CENPV: variants seen among roughly 807,000 people sequenced by gnomAD.
The protein encoded by CENPV is centromere protein V.
CENPV carries 15 observed loss-of-function variants against 26.4 expected under a neutral mutation model. The ratio of observed to expected loss-of-function variants is 0.57; its 90% CI spans 0.38 to 0.88. The LOEUF is 0.88. Ranked by LOEUF, CENPV falls within the 40% of genes least tolerant of loss-of-function variation. The probability of loss-of-function intolerance (pLI) is 0.00; values close to 1 mark genes in which losing one functional copy is unlikely to be tolerated. For synonymous variants in CENPV, 172 were observed against 165.5 expected (o/e 1.04, Z -0.30); for missense variants, 336 against 376.5 (o/e 0.89, Z 0.89).
intron 3 of CENPV, among the ~76,000 whole-genome samples, chr17:16,347,091 T>C (rs1373312071): frequency 5.9e-5 from 9 of 152,220 alleles, no homozygotes; most frequent in East Asian, 3.9e-4. Context: ...GCTCAAGTGA[T>C]CTGCCTGCCT....
intron 3 of CENPV, 199 bp downstream of exon 3, chr17:16,348,417 A>G: frequency 7.7e-7 from 1 of 1,300,734 alleles, no homozygotes; most frequent in Non-Finnish European, 9.9e-7. Context: ...TTGGCCTCCC[A>G]AAGTGCTGGG....
chr17:16,344,713 T>G lies in CENPV; in HGVS notation c.580-2A>C. On this transcript the variant is annotated splice_acceptor_variant, in intron 3 of 4. Transcript: ENST00000299736. LOFTEE classifies it high-confidence loss of function. Reference sequence around the variant, plus strand: ...GTAAGTCGTTATGTGCTCAGCTCCCTAGGTGAAAACAGACAAACGGTATTC... The same window carrying G: ...GTAAGTCGTTATGTGCTCAGCTCCCGAGGTGAAAACAGACAAACGGTATTC... 6.5e-7 allele frequency: 1 copy of G among 1,544,014 alleles called. No individual in the cohort carries two copies. Among genetic ancestry groups the G allele is most frequent in the Non-Finnish European group, 8.8e-7 (1 of 1,137,240 alleles).
rs149829221 is a variant in CENPV, at chr17:16,353,372, G to C, written c.65C>G (p.Ala22Gly). 100 of 1,240,024 alleles carry C rather than the reference G, an allele frequency of 8.1e-5. No individual in the cohort carries two copies. Among genetic ancestry groups the C allele is most frequent in the Middle Eastern group, 3.2e-4 (1 of 3,144 alleles). The allele number at this position is 1,240,024 out of a possible 1,614,324, so 76.8% of individuals were successfully genotyped here. ...LRGQKRSGAS[A>G]APAASAAAAL... Reference sequence around the variant, plus strand: ...AGCGGCCGCGGAGGCCGCGGGGGCCGCGGAGGCCCCGGACCGCTTCTGCCC... The same window carrying C: ...AGCGGCCGCGGAGGCCGCGGGGGCCCCGGAGGCCCCGGACCGCTTCTGCCC... The change falls in exon 1 of 5, where the codon GCG becomes GGG. Residue 22 changes from alanine (A) to glycine (G), a missense_variant. Transcript: ENST00000299736.
chr17:16,351,282 G>A (rs1378436988), intron 1 of CENPV: 4 of 152,068 alleles, frequency 2.6e-5, no homozygotes, highest in African/African-American at 9.7e-5. Flanking sequence ...ACTCAGAAAT[G>A]AACATTAAGA....
intron 4 of CENPV, 148 bp downstream of exon 4, chr17:16,344,449 A>G (rs1361973996): frequency 2.5e-6 from 1 of 407,068 alleles, no homozygotes; most frequent in Non-Finnish European, 4.4e-6. Context: ...ATCATGTGGA[A>G]AGCGCTCTGC....
intron 1 of CENPV, 30 bp downstream of exon 1, chr17:16,352,997 C>T (rs2142904470): frequency 6.6e-7 from 1 of 1,526,582 alleles, no homozygotes; most frequent in East Asian, 2.7e-5. Flanking sequence ...GTGGCAACGG[C>T]TCCCGCGCCC....
In CENPV at chr17:16,342,806, G is replaced by A. The variant is rs141730289; in HGVS notation, c.*11C>T. ...ATCATTCCTCCTTTTCAGGGCAGGA[G>A]AGGCAGAAGCTCACTCTTTAGACAT... On this transcript the variant is annotated 3_prime_UTR_variant, in exon 5 of 5. Coordinates refer to ENST00000299736, the MANE Select transcript of CENPV (RefSeq NM_181716.3). 5.0e-6 allele frequency: 8 copies of A among 1,613,996 alleles called. No homozygotes were observed. In the Admixed American group the frequency reaches 6.7e-5, roughly 13 times the overall value.
At position 16,342,646 on chromosome 17, in the gene CENPV, C is replaced by T; in HGVS notation, c.*171G>A. The T allele has an allele frequency of 1.5e-6, 1 of 652,112 alleles. No individual in the cohort carries two copies. Among genetic ancestry groups the T allele is most frequent in the Non-Finnish European group, 2.6e-6 (1 of 385,650 alleles). The allele number at this position is 652,112 out of a possible 1,614,324, so 40.4% of individuals were successfully genotyped here. A position where few individuals can be genotyped will look rare whatever the true frequency, so the allele number is the denominator to read the frequency against. ...ATCTGGGCAGAGGGAGGACAAAGAG[C>T]TGCCTAAAGAAACTGGTAGCTGGAG... On this transcript the variant is annotated 3_prime_UTR_variant, in exon 5 of 5. Coordinates refer to ENST00000299736, the MANE Select transcript of CENPV (RefSeq NM_181716.3).
At chr17:16,349,155 A>G in intron 2 of CENPV, 1 of 989,546 alleles carries the variant, frequency 1.0e-6, no homozygotes, top group Non-Finnish European at 1.2e-6. Context: ...CTGGAATTAA[A>G]CTGAAGTCCC....
intron 4 of CENPV, chr17:16,344,369 TC>T (rs1221298564): frequency 3.4e-5 from 10 of 296,856 alleles, no homozygotes; most frequent in Non-Finnish European, 6.2e-5. Flanking sequence ...CTGGATGGGC[TC>T]CAAGTCCAAC....
Position 16,344,707 on chromosome 17 carries a change from G to A in CENPV, c.584C>T (p.Ala195Val). ...PASRFKLLKG[A>V]EHITTYTFNT... is the part of the protein sequence containing the mutation. The stretch of plus-strand genomic sequence containing the variant: ...GAACGTGTAAGTCGTTATGTGCTCA[G>A]CTCCCTAGGTGAAAACAGACAAACG... Residue 195 changes from alanine (A) to valine (V), a missense_variant, in exon 4 of 5, where the codon GCT becomes GTT. Physicochemically the swap from Ala to Val is moderately conservative, Grantham distance 64. Transcript: ENST00000299736. The A allele has an allele frequency of 6.4e-7, 1 of 1,564,794 alleles. No individual in the cohort carries two copies. Among genetic ancestry groups the A allele is most frequent in the Non-Finnish European group, 8.7e-7 (1 of 1,153,186 alleles).
intron 4 of CENPV, 32 bp downstream of exon 4, chr17:16,344,565 C>T: frequency 7.5e-7 from 1 of 1,334,212 alleles, no homozygotes; most frequent in Admixed American, 2.2e-5. Flanking sequence ...CTCTGTGTCC[C>T]CCTGAGCTTG....
intron 2 of CENPV, chr17:16,349,114 CA>C: frequency 1.0e-6 from 1 of 989,396 alleles, no homozygotes; most frequent in Non-Finnish European, 1.2e-6. Flanking sequence ...AGTCCAGCTC[CA>C]AGTAAAACAC....
chr17:16,348,410 G>A (rs1267378350), intron 3 of CENPV: 3 of 1,244,618 alleles, frequency 2.4e-6, no homozygotes, highest in Non-Finnish European at 3.1e-6. Flanking sequence ...ATCCATCTTG[G>A]CCTCCCAAAG....
chr17:16,352,953 G>A (rs1399526394), intron 1 of CENPV, 74 bp downstream of exon 1: 17 of 1,438,242 alleles, frequency 1.2e-5, no homozygotes, highest in South Asian at 1.4e-5. Context: ...CCTGCACGCG[G>A]GCTGCGAGCC....
chr17:16,345,961 C>T (rs1010886366), intron 3 of CENPV, among the ~76,000 whole-genome samples: 1 of 152,066 alleles, frequency 6.6e-6, no homozygotes, highest in Non-Finnish European at 1.5e-5. Context: ...ATAATACAAA[C>T]GGGAGACTGG....
intron 2 of CENPV, chr17:16,348,965 G>A (rs1435140137): frequency 1.8e-6 from 2 of 1,127,606 alleles, no homozygotes; most frequent in Non-Finnish European, 2.2e-6. Flanking sequence ...TCTTTACAGT[G>A]AAGAGAAGCG....
At chr17:16,348,714 T>C (rs1226978023) in intron 2 of CENPV, 29 bp from the exon 3 acceptor site, 1 of 1,612,932 alleles carries the variant, frequency 6.2e-7, no homozygotes, top group Non-Finnish European at 8.5e-7. Context: ...AATTCCAGAT[T>C]GTGAGCAGCC....
chr17:16,351,928 G>A (rs2093230617), intron 1 of CENPV: 1 of 152,118 alleles, frequency 6.6e-6, no homozygotes, highest in African/African-American at 2.4e-5. Context: ...AATGTTTGAT[G>A]GATGAACGTT....
Sources: gnomAD v4.1 joint callset for allele counts (sites outside exome capture counted in the v4.1 genomes callset) on GRCh38, gnomAD v4.1.1 for gene constraint, MANE v1.5 for transcripts, NCBI Gene and HGNC (gene_info 2026-07-23, HGNC 2026-07-21) for gene names.